TRIQK: variants seen among roughly 807,000 people sequenced by gnomAD.
TRIQK encodes the protein triple QxxK/R motif-containing protein.
TRIQK carries 10 observed loss-of-function variants against 10.8 expected under a neutral mutation model. That is an observed-to-expected ratio of 0.92 (90% CI 0.57 to 1.57). The LOEUF (loss-of-function observed/expected upper bound fraction) is 1.57. Among genes scored for constraint, TRIQK ranks in the 40% most tolerant of loss-of-function variants. The pLI is 0.00. For missense variants in TRIQK, 107 were observed against 97.7 expected (o/e 1.09, Z -0.40); for synonymous variants, 33 against 33.7 (o/e 0.98, Z 0.07).
rs1427422913 is a variant in TRIQK, at chr8:93,005,910, A to C, written c.-181+11699T>G. Among the ~76,000 whole-genome samples, 6 of 152,236 alleles carry C rather than the reference A, an allele frequency of 3.9e-5. No individual in the cohort carries two copies. In the South Asian group the frequency reaches 1.2e-3, roughly 32 times the overall value. The stretch of plus-strand genomic sequence containing the variant: ...CATGACCTTGTAGGTAAAACACCCT[A>C]AAGACTCCACCAAAAAACTGTTACA... On this transcript the variant is annotated intron_variant, in intron 1 of 4. Transcript: ENST00000520686.
At chr8:92,926,079 CA>C (rs897698688) in intron 2 of TRIQK, among the ~76,000 whole-genome samples, 112 of 128,460 alleles carry the variant, frequency 8.7e-4, no homozygotes, top group Middle Eastern at 4.1e-3. Flanking sequence ...ACTACATCCC[CA>C]AAAAAAAAAT....
At chr8:92,999,277 T>C (rs1813184760) in intron 1 of TRIQK, among the ~76,000 whole-genome samples, 1 of 152,184 alleles carries the variant, frequency 6.6e-6, no homozygotes, top group African/African-American at 2.4e-5. Context: ...AAATGACATA[T>C]TGGTTTTTGA....
At chr8:92,970,620 G>A (rs890144783), upstream of TRIQK, among the ~76,000 whole-genome samples, 12 of 151,904 alleles carry the variant, frequency 7.9e-5, no homozygotes, top group African/African-American at 1.5e-4. Context: ...GTCCCTGTTC[G>A]TGTCTTTTGC....
intron 1 of TRIQK, among the ~76,000 whole-genome samples, chr8:92,960,169 ACT>A (rs1003765048): frequency 2.0e-5 from 3 of 151,828 alleles, no homozygotes; most frequent in African/African-American, 7.3e-5. Flanking sequence ...TCTTTCAAAT[ACT>A]CTGTTCTTTT....
chr8:92,996,471 TGAG>T (rs1401218231), intron 1 of TRIQK, among the ~76,000 whole-genome samples: 1 of 152,012 alleles, frequency 6.6e-6, no homozygotes, highest in Admixed American at 6.6e-5. Context: ...TAGGCATATG[TGAG>T]GAATAGTGTT....
chr8:93,008,467 C>T (rs1429693313), intron 1 of TRIQK, among the ~76,000 whole-genome samples: 2 of 151,998 alleles, frequency 1.3e-5, no homozygotes, highest in African/African-American at 4.8e-5. Flanking sequence ...AAAAGAATAT[C>T]AATATCCTGT....
At chr8:92,967,294 A>C (rs1468315718), upstream of TRIQK, among the ~76,000 whole-genome samples, 3 of 148,292 alleles carry the variant, frequency 2.0e-5, no homozygotes, top group Admixed American at 2.0e-4. Context: ...GTAAGAAAAA[A>C]GAAAAAAAAA....
chr8:92,974,746 A>G (rs1433924446), intron 1 of TRIQK: 1 of 152,132 alleles, frequency 6.6e-6, no homozygotes, highest in Non-Finnish European at 1.5e-5. Flanking sequence ...CACCCACTTG[A>G]CCCATAATAC....
intron 1 of TRIQK, among the ~76,000 whole-genome samples, chr8:92,988,955 G>A (rs1351731020): frequency 6.6e-6 from 1 of 151,814 alleles, no homozygotes; most frequent in South Asian, 2.1e-4. Context: ...TTGACAGCAG[G>A]TATGCAAAAA....
chr8:92,950,683 T>C (rs1811851298), intron 2 of TRIQK, among the ~76,000 whole-genome samples: 1 of 152,106 alleles, frequency 6.6e-6, no homozygotes, highest in African/African-American at 2.4e-5. Context: ...CTCAAACCTT[T>C]AATTTCCAAT....
At chr8:92,947,094 C>A (rs1316933868) in intron 2 of TRIQK, among the ~76,000 whole-genome samples, 1 of 151,884 alleles carries the variant, frequency 6.6e-6, no homozygotes, top group Non-Finnish European at 1.5e-5. Context: ...TGTGTCACCT[C>A]TACTTTTTCT....
chr8:93,011,935 A>T (rs997801898), intron 1 of TRIQK, among the ~76,000 whole-genome samples: 2 of 152,210 alleles, frequency 1.3e-5, no homozygotes, highest in Non-Finnish European at 2.9e-5. Context: ...CGAAACCAAG[A>T]TAGATGCAGA....
chr8:92,970,556 T>C (rs994956924), upstream of TRIQK, among the ~76,000 whole-genome samples: 1 of 152,248 alleles, frequency 6.6e-6, no homozygotes, highest in Non-Finnish European at 1.5e-5. Flanking sequence ...TGATCAGTGA[T>C]GTTGAACTTT....
At chr8:92,993,381 A>G (rs527498158) in intron 1 of TRIQK, among the ~76,000 whole-genome samples, 28 of 152,304 alleles carry the variant, frequency 1.8e-4, no homozygotes, top group African/African-American at 6.7e-4. Flanking sequence ...AAGAAAAAGC[A>G]ATGAGATGGT....
At chr8:92,898,042 T>C (rs543528781) in intron 3 of TRIQK, among the ~76,000 whole-genome samples, 1 of 152,256 alleles carries the variant, frequency 6.6e-6, no homozygotes, top group South Asian at 2.1e-4. Context: ...GGGCATGTTG[T>C]TCCCCTGTTT....
At chr8:92,970,071 G>T (rs1812859093), upstream of TRIQK, among the ~76,000 whole-genome samples, 1 of 152,004 alleles carries the variant, frequency 6.6e-6, no homozygotes, top group Non-Finnish European at 1.5e-5. Context: ...ACATTAGTTT[G>T]CCGAGGGTAA....
chr8:92,932,630 T>C (rs951858258), intron 2 of TRIQK, among the ~76,000 whole-genome samples: 3 of 152,204 alleles, frequency 2.0e-5, no homozygotes, highest in South Asian at 4.1e-4. Context: ...CTCGGTTGAA[T>C]TAATTATATT....
At chr8:92,967,504 C>A (rs1028455022), upstream of TRIQK, among the ~76,000 whole-genome samples, 11 of 152,034 alleles carry the variant, frequency 7.2e-5, no homozygotes, top group Non-Finnish European at 1.6e-4. Context: ...GACTCAGAGT[C>A]CCCATTTTCT....
At chr8:92,921,129 C>T (rs1378640808) in intron 2 of TRIQK, among the ~76,000 whole-genome samples, 1 of 151,378 alleles carries the variant, frequency 6.6e-6, no homozygotes. Flanking sequence ...AGCAGTTATC[C>T]ACTGCTTAAT....
Sources: gnomAD v4.1 joint callset for allele counts (sites outside exome capture counted in the v4.1 genomes callset) on GRCh38, gnomAD v4.1.1 for gene constraint, MANE v1.5 for transcripts, NCBI Gene and HGNC (gene_info 2026-07-23, HGNC 2026-07-21) for gene names.